Variants in DTD1 observed in about 807,000 individuals in gnomAD.
The protein encoded by DTD1 is D-aminoacyl-tRNA deacylase 1.
DTD1 carries 13 observed loss-of-function variants against 25.6 expected under a neutral mutation model. The observed-to-expected ratio is 0.51, with a 90% CI of 0.33 to 0.81. The LOEUF (loss-of-function observed/expected upper bound fraction) is 0.81. Ranked by LOEUF, DTD1 falls within the 30% of genes least tolerant of loss-of-function variation. The probability of loss-of-function intolerance (pLI) is 0.02; values close to 1 mark genes in which losing one functional copy is unlikely to be tolerated. For synonymous variants in DTD1, 110 were observed against 103.6 expected, an observed-to-expected ratio of 1.06 and a Z score of -0.37; for missense variants, 193 against 266.4, an observed-to-expected ratio of 0.72 and a Z score of 1.92.
At chr20:18,658,462 T>G (rs971398567) in intron 4 of DTD1, among the ~76,000 whole-genome samples, 1 of 152,128 alleles carries the variant, frequency 6.6e-6, no homozygotes, top group African/African-American at 2.4e-5. Flanking sequence ...ATATTTGTAC[T>G]TAATTTCTAA....
At chr20:18,726,209 G>A (rs1210032394) in intron 4 of DTD1, among the ~76,000 whole-genome samples, 1 of 152,200 alleles carries the variant, frequency 6.6e-6, no homozygotes, top group Non-Finnish European at 1.5e-5. Context: ...AACCTAAAAT[G>A]CAAGCATTTA....
At chr20:18,708,194 A>G (rs6112075) in intron 4 of DTD1, among the ~76,000 whole-genome samples, 1 of 58,606 alleles carries the variant, frequency 1.7e-5, no homozygotes, top group Non-Finnish European at 3.0e-5. Flanking sequence ...TTATATATAT[A>G]TTATATATAT....
intron 4 of DTD1, among the ~76,000 whole-genome samples, chr20:18,637,854 C>T (rs953639852): frequency 1.8e-4 from 28 of 152,214 alleles, no homozygotes; most frequent in African/African-American, 2.4e-5. Context: ...TTTATTGTTT[C>T]ATGAATAAGT....
intron 4 of DTD1, among the ~76,000 whole-genome samples, chr20:18,636,903 C>T (rs764271605): frequency 3.5e-4 from 53 of 152,284 alleles, no homozygotes; most frequent in Non-Finnish European, 6.8e-4. Flanking sequence ...GGCATCAAGC[C>T]ACCCATGGTG....
intron 4 of DTD1, among the ~76,000 whole-genome samples, chr20:18,706,068 A>C (rs6136480): frequency 0.37 from 56,294 of 152,082 alleles, 10,695 homozygotes; most frequent in Non-Finnish European, 0.41. Context: ...GATAAGTAAA[A>C]AGCTATCAGC....
chr20:18,734,473 A>C (rs1346439040), intron 4 of DTD1, among the ~76,000 whole-genome samples: 1 of 152,200 alleles, frequency 6.6e-6, no homozygotes, highest in African/African-American at 2.4e-5. Flanking sequence ...CTTGCTACAA[A>C]GGGCAGTGGG....
rs895598620 is a variant in DTD1, at chr20:18,692,932, C to T, written c.478-51168C>T. On this transcript the variant is annotated intron_variant, in intron 4 of 5. Transcript: ENST00000377452. ...TTTTTGAGACAGAGTCTTGCTCTGTCTCCCAGGCTGGAGTGCAGTGGCACA... is the reference window on the plus strand; with the variant it reads ...TTTTTGAGACAGAGTCTTGCTCTGTTTCCCAGGCTGGAGTGCAGTGGCACA... 4.3e-5 allele frequency among the ~76,000 whole-genome samples: 5 copies of T among 116,178 alleles called. No individual in the cohort carries two copies. In the East Asian group the frequency reaches 1.3e-3, roughly 30 times the overall value. The allele number at this position is 116,178 out of a possible 152,430, so 76.2% of individuals were successfully genotyped here.
At chr20:18,680,618 C>T (rs539284092) in intron 4 of DTD1, among the ~76,000 whole-genome samples, 4 of 152,100 alleles carry the variant, frequency 2.6e-5, no homozygotes, top group South Asian at 2.1e-4. Context: ...CATCTGGTAT[C>T]GCTGCCTCTG....
At chr20:18,667,170 G>A (rs184555615) in intron 4 of DTD1, among the ~76,000 whole-genome samples, 6 of 152,276 alleles carry the variant, frequency 3.9e-5, no homozygotes, top group Non-Finnish European at 1.5e-5. Context: ...AAGGAAACCC[G>A]ACCTCTCGTT....
chr20:18,711,545 G>A (rs767804869), intron 4 of DTD1, among the ~76,000 whole-genome samples: 1 of 151,952 alleles, frequency 6.6e-6, no homozygotes, highest in Non-Finnish European at 1.5e-5. Context: ...ATGTGATGGT[G>A]TGAGGATAAA....
Position 18,659,209 on chromosome 20 carries a change from G to A in DTD1, c.477+30976G>A, listed in dbSNP as rs2060900190. On this transcript the variant is annotated intron_variant, in intron 4 of 5. Coordinates refer to ENST00000377452, the MANE Select transcript of DTD1 (RefSeq NM_080820.6). ...GTGAAACAGACATCTTTTCTTTCTG[G>A]GACGTAGTCTGATGGATGCAAGCCT... 2.0e-5 allele frequency among the ~76,000 whole-genome samples: 3 copies of A among 152,004 alleles called. No individual in the cohort carries two copies. In the South Asian group the frequency reaches 6.2e-4, roughly 32 times the overall value.
At chr20:18,683,408 A>G (rs55852966) in intron 4 of DTD1, among the ~76,000 whole-genome samples, 54,955 of 152,000 alleles carry the variant, frequency 0.36, 10,262 homozygotes, top group Non-Finnish European at 0.41. Flanking sequence ...TCAGATTTCA[A>G]GATTATTTTA....
intron 4 of DTD1, among the ~76,000 whole-genome samples, chr20:18,655,933 C>A (rs2060890033): frequency 6.6e-6 from 1 of 152,044 alleles, no homozygotes; most frequent in South Asian, 2.1e-4. Context: ...CCACACCCAG[C>A]TAATTTTTTA....
chr20:18,617,480 C>G (rs1366330062), intron 3 of DTD1, among the ~76,000 whole-genome samples: 2 of 151,834 alleles, frequency 1.3e-5, no homozygotes, highest in Non-Finnish European at 2.9e-5. Context: ...TCTGTACTTA[C>G]ACAGTACCAT....
intron 3 of DTD1, among the ~76,000 whole-genome samples, chr20:18,608,394 T>C (rs1460062912): frequency 6.6e-6 from 1 of 151,924 alleles, no homozygotes; most frequent in Non-Finnish European, 1.5e-5. Context: ...AAAGTTTATA[T>C]GCTAATCTTC....
In DTD1 at chr20:18,720,749, T is replaced by C. The variant is rs8115342; in HGVS notation, c.478-23351T>C. 3.9e-3 allele frequency among the ~76,000 whole-genome samples: 596 copies of C among 152,230 alleles called. 4 individuals are homozygous for C. The highest frequency in any genetic ancestry group is 0.014 in the African/African-American group (577 of 41,518). On this transcript the variant is annotated intron_variant, in intron 4 of 5. Coordinates refer to ENST00000377452, the MANE Select transcript of DTD1 (RefSeq NM_080820.6). ...AGTGTGTGCCTGTAGTCCCAGCTAC[T>C]CAAGAGGCTGAGGTGGGAGGATTGC...
chr20:18,748,320 A>T (rs1439728751), intron 5 of DTD1, among the ~76,000 whole-genome samples: 2 of 152,166 alleles, frequency 1.3e-5, no homozygotes, highest in Admixed American at 6.5e-5. Flanking sequence ...TATAAATTTA[A>T]TGTCTTGATT....
At chr20:18,643,237 A>T in intron 4 of DTD1, 1 of 312,078 alleles carries the variant, frequency 3.2e-6, no homozygotes, top group Non-Finnish European at 6.5e-6. Flanking sequence ...TTATTTAGCA[A>T]TTTGTTCTCT....
At chr20:18,623,874 C>CTGTGTGTGTGTG (rs55984974) in intron 3 of DTD1, among the ~76,000 whole-genome samples, 9,037 of 143,602 alleles carry the variant, frequency 0.063, 332 homozygotes, top group South Asian at 0.094. Context: ...ACAAGAAGAA[C>CTGTGTGTGTGTG]TGTGTGTGTG....
Sources: allele counts gnomAD v4.1 joint callset (sites outside exome capture counted in the v4.1 genomes callset), GRCh38; gene constraint gnomAD v4.1.1; transcripts MANE v1.5; gene names NCBI Gene and HGNC (gene_info 2026-07-23, HGNC 2026-07-21).